The following KIRREL3 variants were observed in gnomAD, a reference collection of about 807,000 sequenced individuals.
The protein encoded by KIRREL3 is kin of IRRE-like protein 3.
A neutral mutation model predicts 89.7 loss-of-function variants in KIRREL3; 36 were observed. The observed-to-expected ratio is 0.40, with a 90% CI of 0.31 to 0.53. The LOEUF is 0.53. Among genes scored for constraint, KIRREL3 ranks in the 20% least tolerant of loss-of-function variants. The pLI is 0.49. For synonymous variants in KIRREL3, 445 were observed against 441.4 expected, an observed-to-expected ratio of 1.01 and a Z score of -0.10; for missense variants, 864 against 1,056.6, an observed-to-expected ratio of 0.82 and a Z score of 2.53.
Position 126,905,556 on chromosome 11 carries a change from A to C in KIRREL3, c.55+94899T>G, listed in dbSNP as rs943340163. Among the ~76,000 whole-genome samples, 1 of 151,968 alleles carries C rather than the reference A, an allele frequency of 6.6e-6. No homozygotes were observed. Among genetic ancestry groups the C allele is most frequent in the Non-Finnish European group, 1.5e-5 (1 of 67,980 alleles). On this transcript the variant is annotated intron_variant, in intron 1 of 16. Transcript: ENST00000525144. This position sits in a 1 kb window ranked among gnomAD's most constrained non-coding sequence, Gnocchi z 5.0. ...CAGAGGGTGGGGAGAGGGATCTTTC[A>C]TTTTGGGCCTTATCGAACCTGTCCC...
At position 126,764,967 on chromosome 11, in the gene KIRREL3, A is replaced by G. The variant is rs1230976757; in HGVS notation, c.56-202055T>C. 6.6e-6 allele frequency among the ~76,000 whole-genome samples: 1 copy of G among 152,210 alleles called. No individual in the cohort carries two copies. The highest frequency in any genetic ancestry group is 2.4e-5 in the African/African-American group (1 of 41,450). Reference sequence around the variant, plus strand: ...GCAAGGGTTATTTGCTATATTTTGGAAACTTTTGAGGGTACAAATAGTATA... The same window carrying G: ...GCAAGGGTTATTTGCTATATTTTGGGAACTTTTGAGGGTACAAATAGTATA... On this transcript the variant is annotated intron_variant, in intron 1 of 16. Coordinates refer to ENST00000525144, the MANE Select transcript of KIRREL3 (RefSeq NM_032531.4). The surrounding 1 kb of genome is among the most constrained non-coding windows in gnomAD (Gnocchi z 4.2).
chr11:126,497,396 C>T (rs116432757), intron 4 of KIRREL3, among the ~76,000 whole-genome samples: 1 of 152,208 alleles, frequency 6.6e-6, no homozygotes, highest in African/African-American at 2.4e-5. Context: ...ATCTCTGTTC[C>T]CAGTCACCAG....
chr11:126,936,371 C>T (rs553274330), intron 1 of KIRREL3: 2 of 152,228 alleles, frequency 1.3e-5, no homozygotes, highest in African/African-American at 4.8e-5. Context: ...TATGATCCAG[C>T]AATTCCACTC....
At chr11:126,962,006 A>G (rs1031063847) in intron 1 of KIRREL3, among the ~76,000 whole-genome samples, 4 of 152,222 alleles carry the variant, frequency 2.6e-5, no homozygotes, top group Admixed American at 2.0e-4. Flanking sequence ...CTCAGAAAAG[A>G]AGATTCCTTT....
chr11:126,995,271 G>C lies in KIRREL3; in HGVS notation c.55+5184C>G. The C allele has an allele frequency of 2.2e-6, 1 of 456,186 alleles. No homozygotes were observed. Among genetic ancestry groups the C allele is most frequent in the Non-Finnish European group, 4.4e-6 (1 of 226,960 alleles). The allele number at this position is 456,186 out of a possible 1,614,324, so 28.3% of individuals were successfully genotyped here. A position where few individuals can be genotyped will look rare whatever the true frequency, so the allele number is the denominator to read the frequency against. ...GCAAGACAAGAGCTCCAATCACTCT[G>C]CTGCAAGCGCCACCATTAAAGTCAA... is the stretch of plus-strand genomic sequence containing the variant. On this transcript the variant is annotated intron_variant, in intron 1 of 16. Transcript: ENST00000525144. This position sits in a 1 kb window ranked among gnomAD's most constrained non-coding sequence, Gnocchi z 6.5.
In KIRREL3 at chr11:126,734,075, C is replaced by T. The variant is rs1178483385; in HGVS notation, c.56-171163G>A. On this transcript the variant is annotated intron_variant, in intron 1 of 16. Transcript: ENST00000525144. This position sits in a 1 kb window ranked among gnomAD's most constrained non-coding sequence, Gnocchi z 5.9. Reference sequence around the variant, plus strand: ...TGAGGATCACCTGGGAGCCCCACTCCAGAACTACTGAGGCAGAAGCTGCAT... The same window carrying T: ...TGAGGATCACCTGGGAGCCCCACTCTAGAACTACTGAGGCAGAAGCTGCAT... Among the ~76,000 whole-genome samples the T allele has an allele frequency of 6.6e-6, 1 of 152,172 alleles. No individual in the cohort carries two copies. Among genetic ancestry groups the T allele is most frequent in the Non-Finnish European group, 1.5e-5 (1 of 68,042 alleles).
chr11:126,965,082 T>C lies in KIRREL3; in HGVS notation c.55+35373A>G, dbSNP rs1225224044. Reference sequence around the variant, plus strand: ...ATATTAGAGCCAAGAAAAAGTTAAGTAATTTTACCTAGGCCACAGAAAAAG... The same window carrying C: ...ATATTAGAGCCAAGAAAAAGTTAAGCAATTTTACCTAGGCCACAGAAAAAG... On this transcript the variant is annotated intron_variant, in intron 1 of 16. Coordinates refer to ENST00000525144, the MANE Select transcript of KIRREL3 (RefSeq NM_032531.4). The surrounding 1 kb of genome is among the most constrained non-coding windows in gnomAD (Gnocchi z 4.4). Among the ~76,000 whole-genome samples the C allele has an allele frequency of 6.6e-6, 1 of 152,102 alleles. No individual in the cohort carries two copies. The highest frequency in any genetic ancestry group is 1.5e-5 in the Non-Finnish European group (1 of 67,996).
intron 1 of KIRREL3, among the ~76,000 whole-genome samples, chr11:126,939,509 C>G (rs893901271): frequency 1.3e-5 from 2 of 152,156 alleles, no homozygotes; most frequent in African/African-American, 2.4e-5. Context: ...TTCACAAGTT[C>G]CAATGCTAGC....
At chr11:126,493,810 C>T (rs1319689596) in intron 4 of KIRREL3, among the ~76,000 whole-genome samples, 5 of 152,110 alleles carry the variant, frequency 3.3e-5, no homozygotes, top group East Asian at 1.9e-4. Flanking sequence ...ACAGGGCAGT[C>T]GCTGGCCCAG....
chr11:126,757,580 C>T (rs1483148433), intron 1 of KIRREL3, among the ~76,000 whole-genome samples: 1 of 152,144 alleles, frequency 6.6e-6, no homozygotes, highest in Non-Finnish European at 1.5e-5. Context: ...GGGGGCCCAG[C>T]AGTTTTAGGG....
intron 1 of KIRREL3, among the ~76,000 whole-genome samples, chr11:126,871,637 T>C (rs1390346934): frequency 6.6e-6 from 1 of 152,176 alleles, no homozygotes; most frequent in Admixed American, 6.5e-5. Flanking sequence ...AAGGGGCTTT[T>C]TGGTCATTTG....
At chr11:126,629,066 T>C (rs1565604384) in intron 1 of KIRREL3, among the ~76,000 whole-genome samples, 1 of 152,216 alleles carries the variant, frequency 6.6e-6, no homozygotes, top group Admixed American at 6.5e-5. Flanking sequence ...TCTTCCCTTG[T>C]CTCTTCCAAA....
At chr11:126,836,355 C>T (rs1330230381) in intron 1 of KIRREL3, among the ~76,000 whole-genome samples, 1 of 152,122 alleles carries the variant, frequency 6.6e-6, no homozygotes, top group Non-Finnish European at 1.5e-5. Context: ...AAGGTTCCTC[C>T]CTGATATAAA....
chr11:126,714,876 C>A (rs537571614), intron 1 of KIRREL3, among the ~76,000 whole-genome samples: 1 of 152,252 alleles, frequency 6.6e-6, no homozygotes, highest in East Asian at 1.9e-4. Context: ...GCTTATGTAC[C>A]AAATCCCACC....
chr11:126,792,904 G>A (rs1341803106), intron 1 of KIRREL3, among the ~76,000 whole-genome samples: 2 of 152,170 alleles, frequency 1.3e-5, no homozygotes, highest in Admixed American at 6.5e-5. Context: ...GAAAAACAGT[G>A]GTTACTTGTG....
chr11:126,923,177 TCTTCTTCTTC>T (rs757672213), intron 1 of KIRREL3, among the ~76,000 whole-genome samples: 3,617 of 8,392 alleles, frequency 0.43, 900 homozygotes, highest in African/African-American at 0.53. Flanking sequence ...CTTCTTCTTC[TCTTCTTCTTC>T]TCTTCTTCTT....
rs539089727 is a variant in KIRREL3, at chr11:126,696,229, C to G, written c.56-133317G>C. Among the ~76,000 whole-genome samples the G allele has an allele frequency of 6.7e-4, 102 of 151,700 alleles. No individual in the cohort carries two copies. The highest frequency in any genetic ancestry group is 2.2e-3 in the African/African-American group (91 of 41,318). On this transcript the variant is annotated intron_variant, in intron 1 of 16. Coordinates refer to ENST00000525144, the MANE Select transcript of KIRREL3 (RefSeq NM_032531.4). This position sits in a 1 kb window ranked among gnomAD's most constrained non-coding sequence, Gnocchi z 4.4. ...CCAACATCCCGCCACTCCACTCCAG[C>G]CTGGGCCACTGAGCGAGACTCTATC...
rs544115816 is a variant in KIRREL3 at position 126,564,855 on chromosome 11, T to C, written c.56-1943A>G. 2.6e-5 allele frequency among the ~76,000 whole-genome samples: 4 copies of C among 152,332 alleles called. No individual in the cohort carries two copies. The highest frequency in any genetic ancestry group is 3.9e-4 in the East Asian group (2 of 5,190). Reference sequence around the variant, plus strand: ...GGAACAATAGCCTCTCGAGGGAGACTGTATTGAAACCTCAACACGCTGACG... The same window carrying C: ...GGAACAATAGCCTCTCGAGGGAGACCGTATTGAAACCTCAACACGCTGACG... On this transcript the variant is annotated intron_variant, in intron 1 of 16. Coordinates refer to ENST00000525144, the MANE Select transcript of KIRREL3 (RefSeq NM_032531.4). This position sits in a 1 kb window ranked among gnomAD's most constrained non-coding sequence, Gnocchi z 7.4.
rs1357627594 is a variant in KIRREL3, at chr11:126,736,009, A to C, written c.56-173097T>G. Among the ~76,000 whole-genome samples the C allele has an allele frequency of 6.6e-6, 1 of 152,200 alleles. No individual in the cohort carries two copies. Among genetic ancestry groups the C allele is most frequent in the African/African-American group, 2.4e-5 (1 of 41,452 alleles). On this transcript the variant is annotated intron_variant, in intron 1 of 16. Transcript: ENST00000525144. This position sits in a 1 kb window ranked among gnomAD's most constrained non-coding sequence, Gnocchi z 5.0. ...TTATTACTGCATTTATGAATCCTCA[A>C]TTAGTCCTGACTTTGCTTGAGAGTT...
Sources: gnomAD v4.1 joint callset for allele counts (sites outside exome capture counted in the v4.1 genomes callset) on GRCh38, gnomAD v4.1.1 for gene constraint, Gnocchi (gnomAD v3.1) non-coding constraint, MANE v1.5 for transcripts, NCBI Gene and HGNC (gene_info 2026-07-23, HGNC 2026-07-21) for gene names.